The following FHIT variants were observed in gnomAD, a reference collection of about 807,000 sequenced individuals.
The protein encoded by FHIT is fragile histidine triad diadenosine triphosphatase, also known as bis(5'-adenosyl)-triphosphatase.
Under a neutral mutation model 17.9 loss-of-function variants are expected in FHIT, and 19 were observed. The observed-to-expected ratio is 1.06, with a 90% CI of 0.74 to 1.56. FHIT has a LOEUF of 1.56. FHIT is among the 40% of genes most tolerant of loss of function. FHIT has a pLI of 0.00. For missense variants in FHIT, 248 were observed against 189.2 expected, an observed-to-expected ratio of 1.31 and a Z score of -1.82; for synonymous variants, 81 against 69.7, an observed-to-expected ratio of 1.16 and a Z score of -0.81.
At chr3:60,163,736 A>G (rs1418579978) in intron 5 of FHIT, among the ~76,000 whole-genome samples, 2 of 152,102 alleles carry the variant, frequency 1.3e-5, no homozygotes, top group African/African-American at 4.8e-5. Context: ...AGCATCATGG[A>G]AAGTTTAGCA....
At chr3:59,765,914 GAC>G (rs1701772666) in intron 8 of FHIT, among the ~76,000 whole-genome samples, 1 of 152,120 alleles carries the variant, frequency 6.6e-6, no homozygotes, top group Non-Finnish European at 1.5e-5. Flanking sequence ...GTTTGATAGT[GAC>G]ACACAGCTCA....
Position 60,407,654 on chromosome 3 carries a change from A to G in FHIT, c.103+129206T>C, listed in dbSNP as rs141803726. On this transcript the variant is annotated intron_variant, in intron 5 of 9. Coordinates refer to ENST00000492590, the MANE Select transcript of FHIT (RefSeq NM_002012.4). ...CTCGGCCTCCCAAATAGCTGGGATT[A>G]CAAGTGTGTGCCACCAGGCCTGGCT... Among the ~76,000 whole-genome samples, 14 of 152,232 alleles carry G rather than the reference A, an allele frequency of 9.2e-5. No homozygotes were observed. In the East Asian group the frequency reaches 2.7e-3, roughly 29 times the overall value.
intron 5 of FHIT, among the ~76,000 whole-genome samples, chr3:60,195,096 G>A (rs1269437417): frequency 6.6e-6 from 1 of 152,068 alleles, no homozygotes; most frequent in Admixed American, 6.5e-5. Flanking sequence ...AACCCAGAAG[G>A]CGGACGTTGC....
At chr3:60,097,621 C>A (rs1456613450) in intron 5 of FHIT, among the ~76,000 whole-genome samples, 1 of 152,054 alleles carries the variant, frequency 6.6e-6, no homozygotes, top group African/African-American at 2.4e-5. Context: ...TTACAATGAT[C>A]CATTTCCACT....
At chr3:60,983,058 C>G (rs1483956938) in intron 3 of FHIT, among the ~76,000 whole-genome samples, 1 of 152,124 alleles carries the variant, frequency 6.6e-6, no homozygotes, top group Non-Finnish European at 1.5e-5. Context: ...TTCAAGGACT[C>G]CTTGCCTTCT....
intron 7 of FHIT, among the ~76,000 whole-genome samples, chr3:59,954,418 A>G (rs6790549): frequency 0.92 from 140,175 of 152,118 alleles, 64,815 homozygotes; most frequent in East Asian, 1. Flanking sequence ...CACAATGAAG[A>G]AAAAATCACG....
chr3:59,962,195 A>G (rs534723170), intron 7 of FHIT, among the ~76,000 whole-genome samples: 18 of 152,338 alleles, frequency 1.2e-4, no homozygotes, highest in South Asian at 2.1e-4. Context: ...AAGCCAGTTC[A>G]TATGGTTGAG....
intron 3 of FHIT, among the ~76,000 whole-genome samples, chr3:60,916,410 CA>C (rs1707004326): frequency 6.6e-6 from 1 of 152,116 alleles, no homozygotes; most frequent in African/African-American, 2.4e-5. Context: ...GAAGGAATTC[CA>C]AAACAACCAA....
At chr3:60,144,867 T>C (rs1271921944) in intron 5 of FHIT, among the ~76,000 whole-genome samples, 1 of 152,228 alleles carries the variant, frequency 6.6e-6, no homozygotes, top group African/African-American at 2.4e-5. Context: ...TAGTTTTAAT[T>C]CTTTTCTTAA....
rs79405530 is a variant in FHIT at position 61,226,176 on chromosome 3, G to A, written c.-213+25125C>T. On this transcript the variant is annotated intron_variant, in intron 1 of 9. Transcript: ENST00000492590. The stretch of plus-strand genomic sequence containing the variant: ...GGATGTGCCTCCAAAGATAACAGTC[G>A]TGGCATCTCATCAGGCGCTGAGGGG... Among the ~76,000 whole-genome samples the A allele has an allele frequency of 6.0e-3, 921 of 152,244 alleles. 9 individuals are homozygous for A. Among genetic ancestry groups the A allele is most frequent in the African/African-American group, 0.021 (887 of 41,536 alleles).
chr3:61,180,145 C>T (rs187933262), intron 2 of FHIT, among the ~76,000 whole-genome samples: 7 of 152,256 alleles, frequency 4.6e-5, no homozygotes, highest in Admixed American at 2.0e-4. Flanking sequence ...CTTTCCCTCA[C>T]GGCATCAATT....
chr3:60,403,999 G>A (rs1441344688), intron 5 of FHIT, among the ~76,000 whole-genome samples: 2 of 152,094 alleles, frequency 1.3e-5, no homozygotes, highest in Non-Finnish European at 2.9e-5. Flanking sequence ...TTTCTGCGTG[G>A]CAGATAGGAA....
chr3:61,192,585 C>T (rs1480831296), intron 2 of FHIT, among the ~76,000 whole-genome samples: 6 of 152,288 alleles, frequency 3.9e-5, no homozygotes, highest in South Asian at 2.1e-4. Context: ...TTGTTTGAAC[C>T]ATTTCAAGTT....
At chr3:59,882,158 T>G (rs1703434736) in intron 8 of FHIT, among the ~76,000 whole-genome samples, 2 of 152,186 alleles carry the variant, frequency 1.3e-5, no homozygotes, top group Non-Finnish European at 2.9e-5. Flanking sequence ...TTGAAATGCC[T>G]GCATTCAGTA....
chr3:61,121,331 G>C (rs1446839703), intron 2 of FHIT, among the ~76,000 whole-genome samples: 2 of 152,068 alleles, frequency 1.3e-5, no homozygotes, highest in Non-Finnish European at 2.9e-5. Flanking sequence ...AAATGTTAAG[G>C]GCAGTCAGAG....
intron 5 of FHIT, among the ~76,000 whole-genome samples, chr3:60,118,403 C>T (rs1051792238): frequency 5.3e-5 from 8 of 151,896 alleles, no homozygotes; most frequent in Non-Finnish European, 1.2e-4. Flanking sequence ...CCACTGCACC[C>T]GGCCCTGTTT....
At chr3:60,001,305 G>A (rs1699720905) in intron 7 of FHIT, among the ~76,000 whole-genome samples, 1 of 152,142 alleles carries the variant, frequency 6.6e-6, no homozygotes, top group African/African-American at 2.4e-5. Context: ...ATTAACTATA[G>A]AATTTCTACA....
intron 3 of FHIT, among the ~76,000 whole-genome samples, chr3:60,981,887 T>C (rs753123431): frequency 1.1e-4 from 17 of 152,168 alleles, no homozygotes; most frequent in Non-Finnish European, 2.2e-4. Context: ...AAAGCCATTG[T>C]GCTCAGCCCT....
At chr3:60,129,657 T>C (rs1699446660) in intron 5 of FHIT, among the ~76,000 whole-genome samples, 1 of 152,202 alleles carries the variant, frequency 6.6e-6, no homozygotes, top group African/African-American at 2.4e-5. Context: ...CTTTTTGTTT[T>C]CTGCTTTGCT....
Sources: allele counts gnomAD v4.1 joint callset (sites outside exome capture counted in the v4.1 genomes callset), GRCh38; gene constraint gnomAD v4.1.1; transcripts MANE v1.5; gene names NCBI Gene and HGNC (gene_info 2026-07-23, HGNC 2026-07-21).